Variants in KIAA1755 observed in about 807,000 individuals in gnomAD.
The protein encoded by KIAA1755 is uncharacterized protein KIAA1755.
Under a neutral mutation model 91.7 loss-of-function variants are expected in KIAA1755, and 68 were observed. The ratio of observed to expected loss-of-function variants is 0.74; its 90% CI spans 0.61 to 0.91. The LOEUF (loss-of-function observed/expected upper bound fraction) is 0.91. Among genes scored for constraint, KIAA1755 ranks in the 40% least tolerant of loss-of-function variants. The probability of loss-of-function intolerance (pLI) is 0.00; values close to 1 mark genes in which losing one functional copy is unlikely to be tolerated. For missense variants in KIAA1755, 1,535 were observed against 1,494.4 expected, an observed-to-expected ratio of 1.03 and a Z score of -0.45; for synonymous variants, 610 against 604.6, an observed-to-expected ratio of 1.01 and a Z score of -0.13.
chr20:38,237,899 A>G (rs764931211), intron 4 of KIAA1755, among the ~76,000 whole-genome samples: 1 of 152,150 alleles, frequency 6.6e-6, no homozygotes, highest in Non-Finnish European at 1.5e-5. Flanking sequence ...GGACAGAAGG[A>G]GCACGCATGT....
At chr20:38,219,521 C>T in intron 11 of KIAA1755, 109 bp downstream of exon 11, 1 of 1,448,978 alleles carries the variant, frequency 6.9e-7, no homozygotes, top group Non-Finnish European at 9.4e-7. Flanking sequence ...AGCTTGGTGT[C>T]CTTTCTCCAG....
chr20:38,217,744 G>A lies in KIAA1755; in HGVS notation c.2680-270C>T, dbSNP rs1050973853. 10 of 553,144 alleles carry A rather than the reference G, an allele frequency of 1.8e-5. No homozygotes were observed. The East Asian group carries it at 3.0e-4, about 17-fold the overall frequency. The allele number at this position is 553,144 out of a possible 1,614,324, so 34.3% of individuals were successfully genotyped here. A position where few individuals can be genotyped will look rare whatever the true frequency, so the allele number is the denominator to read the frequency against. ...ACTTTGCCTAGCCGGGCTCTGCTTAGATGTTCCTTCTGGAAAACTTCTCTG... is the reference window on the plus strand; with the variant it reads ...ACTTTGCCTAGCCGGGCTCTGCTTAAATGTTCCTTCTGGAAAACTTCTCTG... On this transcript the variant is annotated intron_variant, in intron 12 of 13. Transcript: ENST00000279024.
At chr20:38,259,965 C>T (rs1374070849) in intron 1 of KIAA1755, among the ~76,000 whole-genome samples, 1 of 152,134 alleles carries the variant, frequency 6.6e-6, no homozygotes, top group East Asian at 1.9e-4. Context: ...ATGTGTATAT[C>T]TGACTTTCCA....
chr20:38,228,223 T>C lies in KIAA1755; in HGVS notation c.1889A>G (p.Lys630Arg), dbSNP rs1237080305. The C allele has an allele frequency of 1.2e-6, 2 of 1,601,218 alleles. No individual in the cohort carries two copies. Among genetic ancestry groups the C allele is most frequent in the South Asian group, 1.1e-5 (1 of 87,912 alleles). Residue 630 changes from lysine (K) to arginine (R), a missense_variant, in exon 6 of 14, where the codon AAG becomes AGG. Physicochemically the swap from Lys to Arg is conservative, Grantham distance 26. Coordinates refer to ENST00000279024, the MANE Select transcript of KIAA1755 (RefSeq NM_001029864.2). ...GGCGTCAATCAGGACCGCCAGCCCCTTGGCTTTATCTTCAGGCCTGTGGGT... is the reference window on the plus strand; with the variant it reads ...GGCGTCAATCAGGACCGCCAGCCCCCTGGCTTTATCTTCAGGCCTGTGGGT... ...CTIPRPEDKAKGLAVLIDARR... is the reference protein window; with the variant it reads ...CTIPRPEDKARGLAVLIDARR...
At chr20:38,235,675 G>C (rs1205449) in intron 4 of KIAA1755, among the ~76,000 whole-genome samples, 51,864 of 152,062 alleles carry the variant, frequency 0.34, 8,970 homozygotes, top group Middle Eastern at 0.51. Context: ...TCTGCAGACA[G>C]CTGGATGTAG....
At chr20:38,249,352 A>G (rs1285421365) in intron 1 of KIAA1755, among the ~76,000 whole-genome samples, 3 of 152,200 alleles carry the variant, frequency 2.0e-5, no homozygotes, top group African/African-American at 4.8e-5. Context: ...ATGAGAATAA[A>G]TAAGGACCCC....
Position 38,260,610 on chromosome 20 carries a change from G to A in KIAA1755, c.-110C>T. The A allele has an allele frequency of 1.2e-5, 17 of 1,381,638 alleles. No individual in the cohort carries two copies. The highest frequency in any genetic ancestry group is 1.7e-5 in the South Asian group (1 of 59,168). 85.6% of individuals were successfully genotyped at this position (1,381,638 alleles called of 1,614,324 possible). ...GCCCTCGGTCCCGCCTAGCCCTGGA[G>A]CCAGGGGATAGGGCAGGCCCGGGGC... is the stretch of plus-strand genomic sequence containing the variant. On this transcript the variant is annotated 5_prime_UTR_variant, in exon 1 of 14. Transcript: ENST00000279024.
intron 4 of KIAA1755, among the ~76,000 whole-genome samples, chr20:38,234,305 C>A (rs1325750217): frequency 1.3e-5 from 2 of 152,138 alleles, no homozygotes; most frequent in African/African-American, 2.4e-5. Flanking sequence ...AAAGACTAGC[C>A]AAGATGCCAC....
rs1285111641 is a variant in KIAA1755, at chr20:38,241,710, AG to A, written c.420del (p.Tyr141ThrfsTer27). 6.2e-7 allele frequency: 1 copy of A among 1,614,232 alleles called. No individual in the cohort carries two copies. Among genetic ancestry groups the A allele is most frequent in the Admixed American group, 1.7e-5 (1 of 60,024 alleles). ...TVDKKPVPEP[A>X]YPILFTQEWL... ...CATTCTTGGGTGAAAAGTATAGGGTAGGCTGGCTCTGGAACAGGCTTCTTGT... is the reference window on the plus strand; with the variant it reads ...CATTCTTGGGTGAAAAGTATAGGGTAGCTGGCTCTGGAACAGGCTTCTTGT... On this transcript the variant is annotated frameshift_variant, in exon 3 of 14. Transcript: ENST00000279024. LOFTEE classifies it high-confidence loss of function.
At position 38,240,861 on chromosome 20, in the gene KIAA1755, G is replaced by C. The variant is rs150187673; in HGVS notation, c.1270C>G (p.Arg424Gly). ...GCTGCAGGAGAAGCTGGGGACAGGC[G>C]GGGAGAGGAGGCTTGTCTTGGTCCA... Reference protein sequence around the residue: ...RPGPRQASSPRLSPASPAAAA... With the variant: ...RPGPRQASSPGLSPASPAAAA... The change falls in exon 3 of 14, where the codon CGC (arginine) becomes GGC (glycine). Residue 424 changes from arginine (R) to glycine (G), a missense_variant. Coordinates refer to ENST00000279024, the MANE Select transcript of KIAA1755 (RefSeq NM_001029864.2). 4 of 1,613,912 alleles carry C rather than the reference G, an allele frequency of 2.5e-6. No homozygotes were observed. The South Asian group carries it at 4.4e-5, about 18-fold the overall frequency.
In KIAA1755 at chr20:38,239,667, CTCAG is replaced by C. The variant is rs1430743920; in HGVS notation, c.1604_1607del (p.Thr535ArgfsTer34). The C allele has an allele frequency of 6.2e-7, 1 of 1,608,476 alleles. No individual in the cohort carries two copies. The highest frequency in any genetic ancestry group is 1.7e-4 in the Middle Eastern group (1 of 6,026). ...AAGCTTCTGGCAAGGCAGCCTTTTC[CTCAG>C]TCAGTGGGCTGGGGGCAGTGGCTGG... On this transcript the variant is annotated frameshift_variant, in exon 4 of 14. Transcript: ENST00000279024. LOFTEE classifies it high-confidence loss of function.
At chr20:38,216,002 T>C (rs891298220) in intron 13 of KIAA1755, among the ~76,000 whole-genome samples, 2 of 152,218 alleles carry the variant, frequency 1.3e-5, no homozygotes, top group Admixed American at 6.5e-5. Flanking sequence ...CTGACCTCTC[T>C]GTTTCCTTAG....
intron 5 of KIAA1755, 79 bp from the exon 6 acceptor site, chr20:38,228,319 C>A: frequency 6.3e-6 from 7 of 1,107,302 alleles, no homozygotes; most frequent in Non-Finnish European, 8.7e-6. Flanking sequence ...GGTGAGGGAA[C>A]CTGGCTGCTA....
rs1354483705 is a variant in KIAA1755 at position 38,217,299 on chromosome 20, C to T, written c.2855G>A (p.Arg952His). The change falls in exon 13 of 14, where the codon CGC becomes CAC. Residue 952 changes from arginine (R) to histidine (H), a missense_variant. By Grantham distance (29) the Arg-to-His change is conservative. Transcript: ENST00000279024. ...THFYMAAERQ[R>H]TDLETLLHLH... ...GTGGAGCAGCGTCTCGAGGTCCGTG[C>T]GTTGCCGCTCGGCCGCCATGTAAAA... The T allele has an allele frequency of 2.3e-5, 37 of 1,607,964 alleles. No individual in the cohort carries two copies. Among genetic ancestry groups the T allele is most frequent in the Middle Eastern group, 1.6e-4 (1 of 6,070 alleles).
In KIAA1755 at chr20:38,229,749, C is replaced by T. The variant is rs542288992; in HGVS notation, c.1871+1453G>A. 2.8e-4 allele frequency among the ~76,000 whole-genome samples: 42 copies of T among 152,318 alleles called. 1 individual carries two copies. The highest frequency in any genetic ancestry group is 8.7e-4 in the African/African-American group (36 of 41,570). ...TGTGCCCAGCTTGGTCCTTAGAGCC[C>T]TCTTGGTCATGCCCTTTATTCAGGC... On this transcript the variant is annotated intron_variant, in intron 5 of 13. Transcript: ENST00000279024.
rs891655572 is a variant in KIAA1755, at chr20:38,213,519, C to T, written c.3126G>A (p.Glu1042=). The change falls in exon 14 of 14, where the codon GAG becomes GAA. Residue 1042 remains glutamate (E), a synonymous_variant. Transcript: ENST00000279024. Reference sequence around the variant, plus strand: ...CCTTCTCCAGGAGCATCCGGATCTCCTCATGCCTGATCCGGGCCTCCTCCC... The same window carrying T: ...CCTTCTCCAGGAGCATCCGGATCTCTTCATGCCTGATCCGGGCCTCCTCCC... The part of the protein sequence containing the change: ...ELWEEARIRH[E]EIRMLLEKAL... The T allele has an allele frequency of 1.9e-6, 3 of 1,610,602 alleles. No individual in the cohort carries two copies. In the African/African-American group the frequency reaches 4.0e-5, roughly 21 times the overall value.
intron 3 of KIAA1755, among the ~76,000 whole-genome samples, chr20:38,240,169 C>A (rs561269811): frequency 1.3e-4 from 20 of 152,110 alleles, no homozygotes; most frequent in African/African-American, 4.3e-4. Flanking sequence ...GGCCTCAAGC[C>A]ACCCAAATTC....
chr20:38,239,511 C>T lies in KIAA1755; in HGVS notation c.1747+17G>A. 6.2e-7 allele frequency: 1 copy of T among 1,612,800 alleles called. No individual in the cohort carries two copies. The highest frequency in any genetic ancestry group is 8.5e-7 in the Non-Finnish European group (1 of 1,179,462). ...CCAGCTCCCTCCCTACCACCTCCTG[C>T]TTGAATCCCCTGGAACCTGGCAGGC... is the stretch of plus-strand genomic sequence containing the variant. On this transcript the variant is annotated intron_variant, in intron 4 of 13. Transcript: ENST00000279024.
chr20:38,250,841 G>T (rs562755694), intron 1 of KIAA1755, among the ~76,000 whole-genome samples: 1 of 151,896 alleles, frequency 6.6e-6, no homozygotes, highest in Admixed American at 6.6e-5. Context: ...ATGTGGGGGC[G>T]GCCATGTTAC....
Sources: allele counts gnomAD v4.1 joint callset (sites outside exome capture counted in the v4.1 genomes callset), GRCh38; gene constraint gnomAD v4.1.1; transcripts MANE v1.5; gene names NCBI Gene and HGNC (gene_info 2026-07-23, HGNC 2026-07-21).